Variants in TRPM3 observed in about 807,000 individuals in gnomAD.
The protein encoded by TRPM3 is transient receptor potential cation channel subfamily M member 3.
TRPM3 carries 77 observed loss-of-function variants against 181.2 expected under a neutral mutation model. The ratio of observed to expected loss-of-function variants is 0.42; its 90% CI spans 0.35 to 0.51. The LOEUF (loss-of-function observed/expected upper bound fraction) is 0.51. Among genes scored for constraint, TRPM3 ranks in the 20% least tolerant of loss-of-function variants. The probability of loss-of-function intolerance (pLI) is 0.01; values close to 1 mark genes in which losing one functional copy is unlikely to be tolerated. For synonymous variants in TRPM3, 745 were observed against 796.4 expected (o/e 0.94, Z 1.09); for missense variants, 1,759 against 2,196.7 (o/e 0.80, Z 3.98).
At chr9:70,782,257 G>A (rs989324672) in intron 7 of TRPM3, among the ~76,000 whole-genome samples, 2 of 150,790 alleles carry the variant, frequency 1.3e-5, no homozygotes, top group African/African-American at 4.9e-5. Context: ...CTAGGCTGGA[G>A]TACAATGGCA....
chr9:71,134,019 G>A (rs887692499), intron 1 of TRPM3, among the ~76,000 whole-genome samples: 2 of 130,592 alleles, frequency 1.5e-5, no homozygotes, highest in South Asian at 3.0e-4. Flanking sequence ...GTGTGTGCGC[G>A]TGCGCGCGCG....
chr9:71,080,665 C>CT (rs1198776837), intron 1 of TRPM3, among the ~76,000 whole-genome samples: 1 of 152,172 alleles, frequency 6.6e-6, no homozygotes, highest in Non-Finnish European at 1.5e-5. Context: ...CAACAGCCCT[C>CT]TCCCCAAGTC....
chr9:70,937,022 T>C (rs2096834974), intron 1 of TRPM3, among the ~76,000 whole-genome samples: 1 of 152,216 alleles, frequency 6.6e-6, no homozygotes, highest in Non-Finnish European at 1.5e-5. Context: ...TGTATACTTT[T>C]GTTCAACATT....
rs1006107823 is a variant in TRPM3, at chr9:71,009,005, A to G, written c.177+112173T>C. ...TCAATAGAATTGTTTTTATTGGAAAAGCATTCCATAAATTCAAAATCCTTT... is the reference window on the plus strand; with the variant it reads ...TCAATAGAATTGTTTTTATTGGAAAGGCATTCCATAAATTCAAAATCCTTT... On this transcript the variant is annotated intron_variant, in intron 1 of 25. Transcript: ENST00000677713. Among the ~76,000 whole-genome samples, 4 of 152,258 alleles carry G rather than the reference A, an allele frequency of 2.6e-5. 1 individual carries two copies. In the East Asian group the frequency reaches 7.7e-4, roughly 29 times the overall value.
chr9:71,383,141 A>G (rs1473332462), intron 1 of TRPM3, among the ~76,000 whole-genome samples: 1 of 152,160 alleles, frequency 6.6e-6, no homozygotes, highest in Non-Finnish European at 1.5e-5. Flanking sequence ...TTATTTCTCT[A>G]ACATTTTACA....
chr9:71,271,208 C>A (rs80248474), intron 1 of TRPM3, among the ~76,000 whole-genome samples: 1,643 of 152,238 alleles, frequency 0.011, 26 homozygotes, highest in East Asian at 0.074. Context: ...TACCCTGTCA[C>A]GTGTTATGAA....
intron 16 of TRPM3, 130 bp downstream of exon 16, chr9:70,619,946 C>T (rs977132834): frequency 2.0e-5 from 17 of 833,232 alleles, no homozygotes; most frequent in Non-Finnish European, 3.0e-5. Flanking sequence ...TGTTTGTGTC[C>T]ATCCTGTGTG....
At position 71,420,975 on chromosome 9, in the gene TRPM3, AAG is replaced by A. The variant is rs1491329622; in HGVS notation, c.183+25676_183+25677del. ...AAAGGGAGAGAAAAAGGGAGAGAAA[AAG>A]AGAGAGAAAAAGAGAGAGAAAAAGA... is the stretch of plus-strand genomic sequence containing the variant. On this transcript the variant is annotated intron_variant, in intron 1 of 24. Transcript: ENST00000357533. 2.1e-3 allele frequency among the ~76,000 whole-genome samples: 269 copies of A among 126,670 alleles called. 8 individuals are homozygous for A. Among genetic ancestry groups the A allele is most frequent in the African/African-American group, 7.0e-3 (216 of 30,768 alleles). The allele number at this position is 126,670 out of a possible 152,430, so 83.1% of individuals were successfully genotyped here. A position where few individuals can be genotyped will look rare whatever the true frequency, so the allele number is the denominator to read the frequency against.
At chr9:70,869,197 G>A (rs1055251655) in intron 1 of TRPM3, 21 of 266,316 alleles carry the variant, frequency 7.9e-5, no homozygotes, top group Non-Finnish European at 5.2e-5. Context: ...GTGCTGCTTC[G>A]GGATTAGCCT....
intron 14 of TRPM3, among the ~76,000 whole-genome samples, chr9:70,624,432 A>T (rs2064159574): frequency 6.6e-6 from 1 of 152,170 alleles, no homozygotes; most frequent in Non-Finnish European, 1.5e-5. Flanking sequence ...AGTAGCTGGG[A>T]CCATGGCTGG....
intron 7 of TRPM3, among the ~76,000 whole-genome samples, chr9:70,772,322 A>ATTT (rs67215937): frequency 4.0e-4 from 60 of 148,446 alleles, no homozygotes; most frequent in Non-Finnish European, 7.0e-4. Flanking sequence ...CACAGAGAGT[A>ATTT]TTTTTTTTTT....
At chr9:70,938,410 C>G (rs948962940) in intron 1 of TRPM3, among the ~76,000 whole-genome samples, 12 of 152,288 alleles carry the variant, frequency 7.9e-5, no homozygotes, top group African/African-American at 2.9e-4. Flanking sequence ...TATGCTAATG[C>G]TAAGCCACCT....
rs1588915153 is a variant in TRPM3 at position 71,413,246 on chromosome 9, C to CA, written c.183+33406dup. Among the ~76,000 whole-genome samples the CA allele has an allele frequency of 2.6e-5, 4 of 151,666 alleles. No individual in the cohort carries two copies. The South Asian group carries it at 6.3e-4, about 24-fold the overall frequency. ...ATATACCCTAGAACTTAAAGTATAA[C>CA]AAAAAAATAAAATTAAAAAATTTAT... is the stretch of plus-strand genomic sequence containing the variant. On this transcript the variant is annotated intron_variant, in intron 1 of 24. Transcript: ENST00000357533.
intron 1 of TRPM3, among the ~76,000 whole-genome samples, chr9:71,181,992 G>A (rs997085373): frequency 2.6e-5 from 4 of 152,092 alleles, no homozygotes; most frequent in African/African-American, 9.7e-5. Flanking sequence ...AGCTCCATGG[G>A]TCATTGTTAG....
chr9:70,666,011 C>G (rs1337004204), intron 9 of TRPM3, among the ~76,000 whole-genome samples: 2 of 152,192 alleles, frequency 1.3e-5, no homozygotes, highest in African/African-American at 4.8e-5. Flanking sequence ...CCTCAATGCC[C>G]CATTCCTCTT....
intron 1 of TRPM3, among the ~76,000 whole-genome samples, chr9:71,345,333 A>G (rs971595388): frequency 1.3e-5 from 2 of 152,200 alleles, no homozygotes; most frequent in African/African-American, 4.8e-5. Flanking sequence ...AAGACTTGGA[A>G]CCAACCCAAA....
At chr9:71,303,165 G>A (rs1303621003) in intron 1 of TRPM3, among the ~76,000 whole-genome samples, 1 of 152,086 alleles carries the variant, frequency 6.6e-6, no homozygotes, top group Non-Finnish European at 1.5e-5. Flanking sequence ...TCTTCCCTAA[G>A]AAAAGGAAAG....
chr9:70,795,804 G>A (rs1192891617), intron 6 of TRPM3, among the ~76,000 whole-genome samples: 1 of 152,164 alleles, frequency 6.6e-6, no homozygotes, highest in East Asian at 1.9e-4. Flanking sequence ...ATTCCCTTGT[G>A]GCCAGATGGC....
intron 1 of TRPM3, among the ~76,000 whole-genome samples, chr9:71,326,656 C>A (rs1340300709): frequency 2.6e-5 from 4 of 152,144 alleles, no homozygotes; most frequent in Non-Finnish European, 5.9e-5. Flanking sequence ...ATTGATACTG[C>A]CATTTAGTGT....
Sources: allele counts gnomAD v4.1 joint callset (sites outside exome capture counted in the v4.1 genomes callset), GRCh38; gene constraint gnomAD v4.1.1; transcripts MANE v1.5; gene names NCBI Gene and HGNC (gene_info 2026-07-23, HGNC 2026-07-21).